The following KLB variants were observed in gnomAD, a reference collection of about 807,000 sequenced individuals.
KLB encodes the protein klotho beta.
Under a neutral mutation model 88.4 loss-of-function variants are expected in KLB, and 44 were observed. The ratio of observed to expected loss-of-function variants is 0.50; its 90% CI spans 0.39 to 0.64. KLB has a LOEUF of 0.64. Among genes scored for constraint, KLB ranks in the 30% least tolerant of loss-of-function variants. The pLI, the probability that KLB is intolerant of heterozygous loss-of-function variation, is 0.00. For synonymous variants in KLB, 548 were observed against 513.4 expected, an observed-to-expected ratio of 1.07 and a Z score of -0.91; for missense variants, 1,137 against 1,304.8, an observed-to-expected ratio of 0.87 and a Z score of 1.98.
At chr4:39,410,799 CAGAT>C (rs2109817562) in intron 1 of KLB, among the ~76,000 whole-genome samples, 1 of 152,300 alleles carries the variant, frequency 6.6e-6, no homozygotes, top group South Asian at 2.1e-4. Context: ...CCCCACTTCT[CAGAT>C]AGAGAAAAGG....
intron 4 of KLB, 106 bp from the exon 5 acceptor site, chr4:39,448,195 C>T (rs1743804331): frequency 1.3e-6 from 1 of 783,982 alleles, no homozygotes; most frequent in Non-Finnish European, 2.0e-6. Context: ...AAATCACTAC[C>T]TTTATTATGG....
intron 2 of KLB, among the ~76,000 whole-genome samples, chr4:39,435,170 T>G (rs1003546469): frequency 2.0e-5 from 3 of 151,046 alleles, no homozygotes; most frequent in African/African-American, 7.3e-5. Context: ...CAGGCTGGAG[T>G]GCAACAGTGC....
rs141638078 is a variant in KLB at position 39,446,725 on chromosome 4, G to A, written c.1999G>A (p.Ala667Thr). ...HADGWLNPST[A>T]EAFQAYAGLC... ...CGACGGGTGGCTGAACCCATCGACGGCCGAGGCCTTCCAGGCCTACGCTGG... is the reference window on the plus strand; with the variant it reads ...CGACGGGTGGCTGAACCCATCGACGACCGAGGCCTTCCAGGCCTACGCTGG... Residue 667 changes from alanine to threonine, a missense_variant, in exon 4 of 5, where the codon GCC (alanine) becomes ACC (threonine). Ala to Thr is a moderately conservative substitution (Grantham distance 58). This residue lies in a region of KLB where 597 missense variants were observed against 765.2 expected (regional missense o/e 0.78). Coordinates refer to ENST00000257408, the MANE Select transcript of KLB (RefSeq NM_175737.4). The surrounding 1 kb of genome is among the most constrained non-coding windows in gnomAD (Gnocchi z 6.4). The A allele has an allele frequency of 1.3e-4, 210 of 1,606,232 alleles. No homozygotes were observed. Among genetic ancestry groups the A allele is most frequent in the Non-Finnish European group, 1.7e-4 (203 of 1,175,552 alleles).
Position 39,407,661 on chromosome 4 carries a change from A to G in KLB, c.712A>G (p.Thr238Ala). 1.2e-6 allele frequency: 2 copies of G among 1,614,026 alleles called. No homozygotes were observed. The highest frequency in any genetic ancestry group is 1.7e-6 in the Non-Finnish European group (2 of 1,179,866). ...MFGDRVKYWITIHNPYLVAWH... is the reference protein window; with the variant it reads ...MFGDRVKYWIAIHNPYLVAWH... ...TGGGGACCGTGTCAAATATTGGATTACAATTCACAACCCATATCTAGTGGC... is the reference window on the plus strand; with the variant it reads ...TGGGGACCGTGTCAAATATTGGATTGCAATTCACAACCCATATCTAGTGGC... Residue 238 changes from threonine (T) to alanine (A), a missense_variant, in exon 1 of 5, where the codon ACA becomes GCA. Thr to Ala is a moderately conservative substitution (Grantham distance 58, BLOSUM62 0). Coordinates refer to ENST00000257408, the MANE Select transcript of KLB (RefSeq NM_175737.4).
At position 39,434,682 on chromosome 4, in the gene KLB, T is replaced by C. The variant is rs1398588479; in HGVS notation, c.1298T>C (p.Ile433Thr). 5 of 1,613,630 alleles carry C rather than the reference T, an allele frequency of 3.1e-6. No individual in the cohort carries two copies. ...SRVKTEDTTA[I>T]YMMKNFLSQV... ...GTGAAAACAGAAGACACCACGGCCA[T>C]CTACATGATGAAGAATTTCCTCAGC... is the stretch of plus-strand genomic sequence containing the variant. Residue 433 changes from isoleucine (I) to threonine (T), a missense_variant, in exon 2 of 5, where the codon ATC (isoleucine) becomes ACC (threonine). Coordinates refer to ENST00000257408, the MANE Select transcript of KLB (RefSeq NM_175737.4).
At chr4:39,434,920 C>A (rs1485960281) in intron 2 of KLB, among the ~76,000 whole-genome samples, 200 bp downstream of exon 2, 1 of 151,798 alleles carries the variant, frequency 6.6e-6, no homozygotes, top group Non-Finnish European at 1.5e-5. Context: ...GATTCTCCTG[C>A]CTCAGCCTCC....
At position 39,447,320 on chromosome 4, in the gene KLB, T is replaced by C; in HGVS notation, c.2594T>C (p.Ile865Thr). The part of the protein sequence containing the change: ...RLSSPTRLAV[I>T]PWGVRKLLRW... ...AGCTCCCCCACGCGCCTGGCTGTGA[T>C]TCCCTGGGGGGTGCGCAAGCTGCTG... is the stretch of plus-strand genomic sequence containing the variant. The change falls in exon 4 of 5, where the codon ATT (isoleucine) becomes ACT (threonine). Residue 865 changes from isoleucine to threonine, a missense_variant. Transcript: ENST00000257408. The C allele has an allele frequency of 6.2e-7, 1 of 1,614,124 alleles. No homozygotes were observed.
At chr4:39,424,703 C>T (rs754012038) in intron 1 of KLB, among the ~76,000 whole-genome samples, 8 of 148,290 alleles carry the variant, frequency 5.4e-5, no homozygotes, top group Admixed American at 2.7e-4. Context: ...GCTATCTCGG[C>T]TCACTGCAAC....
intron 1 of KLB, among the ~76,000 whole-genome samples, chr4:39,431,417 A>G (rs763711312): frequency 6.6e-6 from 1 of 151,556 alleles, no homozygotes; most frequent in African/African-American, 2.4e-5. Flanking sequence ...ACGACCGGCT[A>G]ATTTTGTATT....
At position 39,447,400 on chromosome 4, in the gene KLB, A is replaced by G. The variant is rs1743779767; in HGVS notation, c.2674A>G (p.Ile892Val). The G allele has an allele frequency of 6.2e-7, 1 of 1,613,526 alleles. No individual in the cohort carries two copies. Among genetic ancestry groups the G allele is most frequent in the Non-Finnish European group, 8.5e-7 (1 of 1,179,844 alleles). Residue 892 changes from isoleucine to valine, a missense_variant, in exon 4 of 5, where the codon ATC becomes GTC. Transcript: ENST00000257408. ...GGACATTTACATCACCGCCAGTGGC[A>G]TCGACGACCAGGCTCTGGAGGATGA... The part of the protein sequence containing the change: ...DMDIYITASG[I>V]DDQALEDDRL...
chr4:39,444,087 G>A (rs1056391829), intron 3 of KLB, among the ~76,000 whole-genome samples: 5 of 149,650 alleles, frequency 3.3e-5, no homozygotes, highest in African/African-American at 1.2e-4. Flanking sequence ...AACCCGGGGG[G>A]CGGAGGTTTC....
In KLB at chr4:39,407,333, T is replaced by C. The variant is rs778334375; in HGVS notation, c.384T>C (p.Ser128=). 3 of 1,614,122 alleles carry C rather than the reference T, an allele frequency of 1.9e-6. No individual in the cohort carries two copies. The South Asian group carries it at 3.3e-5, about 18-fold the overall frequency. ...ATGTCAGCAGCACGAATGGTTCCAG[T>C]GACAGTTATATTTTTCTGGAAAAAG... The part of the protein sequence containing the change: ...LKNVSSTNGS[S]DSYIFLEKDL... Residue 128 remains serine (S), a synonymous_variant, in exon 1 of 5, where the codon AGT becomes AGC. Transcript: ENST00000257408.
rs1480377248 is a variant in KLB, at chr4:39,448,837, G to C, written c.*151G>C. 2.7e-6 allele frequency: 2 copies of C among 731,206 alleles called. No individual in the cohort carries two copies. The highest frequency in any genetic ancestry group is 4.4e-6 in the Non-Finnish European group (2 of 453,814). The allele number at this position is 731,206 out of a possible 1,614,324, so 45.3% of individuals were successfully genotyped here. The stretch of plus-strand genomic sequence containing the variant: ...AATTGTCTCTGCTGTGTGGTTCAAA[G>C]AACATTCCCTTAGGTGTTGACATCA... On this transcript the variant is annotated 3_prime_UTR_variant, in exon 5 of 5. Coordinates refer to ENST00000257408, the MANE Select transcript of KLB (RefSeq NM_175737.4).
Position 39,407,397 on chromosome 4 carries a change from C to G in KLB, c.448C>G (p.Gln150Glu). 6.2e-7 allele frequency: 1 copy of G among 1,613,488 alleles called. No homozygotes were observed. Among genetic ancestry groups the G allele is most frequent in the Non-Finnish European group, 8.5e-7 (1 of 1,179,860 alleles). The change falls in exon 1 of 5, where the codon CAA becomes GAA. Residue 150 changes from glutamine (Q) to glutamate (E), a missense_variant. By Grantham distance (29) the Gln-to-Glu change is conservative. Around this residue, in one of 4 missense-constraint regions of KLB, gnomAD observed 597 missense variants for 765.2 expected, o/e 0.78. Transcript: ENST00000257408. ...ALDFIGVSFYQFSISWPRLFP... is the reference protein window; with the variant it reads ...ALDFIGVSFYEFSISWPRLFP... The stretch of plus-strand genomic sequence containing the variant: ...GGATTTTATAGGAGTTTCTTTTTAT[C>G]AATTTTCAATTTCCTGGCCAAGGCT...
At chr4:39,410,510 C>T (rs1031552696) in intron 1 of KLB, among the ~76,000 whole-genome samples, 5 of 152,198 alleles carry the variant, frequency 3.3e-5, no homozygotes, top group Non-Finnish European at 5.9e-5. Flanking sequence ...GTGAAATACA[C>T]TGCATGACCC....
intron 1 of KLB, among the ~76,000 whole-genome samples, chr4:39,413,062 G>T (rs889614449): frequency 5.3e-5 from 8 of 152,164 alleles, no homozygotes; most frequent in Non-Finnish European, 8.8e-5. Flanking sequence ...CCACAGGGAT[G>T]AATGGGCTCA....
intron 1 of KLB, among the ~76,000 whole-genome samples, chr4:39,412,982 G>A (rs1742887020): frequency 2.0e-5 from 3 of 152,066 alleles, no homozygotes; most frequent in South Asian, 2.1e-4. Flanking sequence ...CTTTTTTGGT[G>A]GCAAGTTACA....
At chr4:39,419,316 A>C (rs1743028964) in intron 1 of KLB, among the ~76,000 whole-genome samples, 1 of 152,206 alleles carries the variant, frequency 6.6e-6, no homozygotes, top group African/African-American at 2.4e-5. Context: ...TCATACATGG[A>C]AAATCAGACC....
intron 1 of KLB, among the ~76,000 whole-genome samples, chr4:39,430,047 A>C (rs1359075814): frequency 6.6e-6 from 1 of 152,246 alleles, no homozygotes; most frequent in Non-Finnish European, 1.5e-5. Context: ...CTGCATGGAA[A>C]GCTACTGCAA....
Sources: allele counts gnomAD v4.1 joint callset (sites outside exome capture counted in the v4.1 genomes callset), GRCh38; gene constraint gnomAD v4.1.1; regional missense constraint gnomAD v4.1.1; non-coding constraint Gnocchi (gnomAD v3.1); transcripts MANE v1.5; gene names NCBI Gene and HGNC (gene_info 2026-07-23, HGNC 2026-07-21).